The following TMX3 variants were observed in gnomAD, a reference collection of about 807,000 sequenced individuals.
TMX3 encodes protein disulfide-isomerase TMX3.
Under a neutral mutation model 64.4 loss-of-function variants are expected in TMX3, and 40 were observed. The ratio of observed to expected loss-of-function variants is 0.62; its 90% CI spans 0.48 to 0.81. The LOEUF (loss-of-function observed/expected upper bound fraction) is 0.81. Ranked by LOEUF, TMX3 falls within the 30% of genes least tolerant of loss-of-function variation. The pLI is 0.00. For synonymous variants in TMX3, 189 were observed against 175.7 expected, an observed-to-expected ratio of 1.08 and a Z score of -0.60; for missense variants, 497 against 534.5, an observed-to-expected ratio of 0.93 and a Z score of 0.69.
chr18:68,697,623 T>C (rs77296563), intron 7 of TMX3: 7,018 of 376,060 alleles, frequency 0.019, 412 homozygotes, highest in African/African-American at 0.12. Flanking sequence ...TATACACACA[T>C]ACAAAGTCTG....
rs764028979 is a variant in TMX3, at chr18:68,677,105, G to A, written c.1193C>T (p.Thr398Ile). Residue 398 changes from threonine (T) to isoleucine (I), a missense_variant, in exon 16 of 16, where the codon ACA becomes ATA. By Grantham distance (89) the Thr-to-Ile change is moderately conservative. This residue lies in a region of TMX3 where 94 missense variants were observed against 75.8 expected (regional missense o/e 1.24). Coordinates refer to ENST00000299608, the MANE Select transcript of TMX3 (RefSeq NM_019022.5). Reference sequence around the variant, plus strand: ...TATATAACCTCCATCTGTGTCGGCTGTGTAGATTCCATAGCACATGATACT... The same window carrying A: ...TATATAACCTCCATCTGTGTCGGCTATGTAGATTCCATAGCACATGATACT... ...VISIMCYGIY[T>I]ADTDGGYIEE... The A allele has an allele frequency of 3.7e-6, 6 of 1,613,794 alleles. No homozygotes were observed. The highest frequency in any genetic ancestry group is 3.4e-6 in the Non-Finnish European group (4 of 1,179,780).
intron 2 of TMX3, 78 bp from the exon 3 acceptor site, chr18:68,711,481 C>T: frequency 9.9e-7 from 1 of 1,009,184 alleles, no homozygotes; most frequent in South Asian, 1.9e-5. Context: ...AGAGATAATA[C>T]ATTGATAAAT....
chr18:68,707,842 TATTG>T (rs1374408748), intron 4 of TMX3, among the ~76,000 whole-genome samples: 2 of 152,134 alleles, frequency 1.3e-5, no homozygotes, highest in Admixed American at 6.5e-5. Flanking sequence ...ACTTGGTAAA[TATTG>T]ATTGAGTGAA....
rs751818408 is a variant in TMX3 at position 68,680,992 on chromosome 18, C to A, written c.1024G>T (p.Gly342Cys). 6.3e-7 allele frequency: 1 copy of A among 1,588,998 alleles called. No homozygotes were observed. Among genetic ancestry groups the A allele is most frequent in the Admixed American group, 1.8e-5 (1 of 56,098 alleles). The change falls in exon 14 of 16, where the codon GGC (glycine) becomes TGC (cysteine). Residue 342 changes from glycine (G) to cysteine (C), a missense_variant. By Grantham distance (159) the Gly-to-Cys change is radical. Around this residue, in one of 3 missense-constraint regions of TMX3, gnomAD observed 43 missense variants for 75.3 expected, o/e 0.57. Transcript: ENST00000299608. ...MVQFINNILDGTVEAQGGDSI... is the reference protein window; with the variant it reads ...MVQFINNILDCTVEAQGGDSI... ...AGTGAACAACTTACTTCTACTGTGC[C>A]ATCCAAAATGTTATTAATAAACTGG...
chr18:68,687,472 A>G, intron 10 of TMX3, 195 bp downstream of exon 10: 1 of 985,382 alleles, frequency 1.0e-6, no homozygotes, highest in Non-Finnish European at 1.2e-6. Context: ...CCATCTCTTT[A>G]ATCACTGACC....
intron 4 of TMX3, among the ~76,000 whole-genome samples, chr18:68,707,828 T>C (rs986103356): frequency 2.6e-5 from 4 of 152,120 alleles, no homozygotes; most frequent in African/African-American, 4.8e-5. Context: ...GTTTGACAAA[T>C]AGTACTTGGT....
At chr18:68,704,575 G>T (rs1168230391) in intron 4 of TMX3, among the ~76,000 whole-genome samples, 1 of 152,064 alleles carries the variant, frequency 6.6e-6, no homozygotes, top group Non-Finnish European at 1.5e-5. Flanking sequence ...TAGGTAGCGG[G>T]GCTGAGATTG....
intron 4 of TMX3, 26 bp downstream of exon 4, chr18:68,709,995 A>T (rs1429339056): frequency 6.4e-7 from 1 of 1,558,748 alleles, no homozygotes; most frequent in Admixed American, 2.1e-5. Context: ...GAGAACAGTA[A>T]AATAATAAAC....
At chr18:68,714,373 AGAGTGGGCTCTAAAAGGTTGTTAAGT>A (rs1257085471) in intron 1 of TMX3, 4 of 155,326 alleles carry the variant, frequency 2.6e-5, no homozygotes, top group African/African-American at 7.3e-5. Flanking sequence ...TGCCTGACAC[AGAGTGGGCTCTAAAAGGTTGTTAAGT>A]GAGCGGACCC....
intron 2 of TMX3, among the ~76,000 whole-genome samples, chr18:68,712,254 A>C (rs922719890): frequency 6.6e-6 from 1 of 152,212 alleles, no homozygotes; most frequent in Admixed American, 6.5e-5. Flanking sequence ...AGACAGAATG[A>C]GAGGCCCACC....
chr18:68,680,712 C>T (rs1304138662), intron 14 of TMX3, among the ~76,000 whole-genome samples: 2 of 152,208 alleles, frequency 1.3e-5, no homozygotes, highest in African/African-American at 4.8e-5. Context: ...CAGCCCCTCC[C>T]CATCACCATG....
At chr18:68,701,640 C>T in intron 5 of TMX3, 105 bp downstream of exon 5, 1 of 1,559,926 alleles carries the variant, frequency 6.4e-7, no homozygotes, top group Non-Finnish European at 8.7e-7. Context: ...ATGGCCAAAC[C>T]CCAATCTTCA....
rs539836518 is a variant in TMX3 at position 68,705,287 on chromosome 18, C to G, written c.266-3497G>C. Among the ~76,000 whole-genome samples the G allele has an allele frequency of 7.2e-5, 11 of 152,086 alleles. No homozygotes were observed. The South Asian group carries it at 8.3e-4, about 11-fold the overall frequency. On this transcript the variant is annotated intron_variant, in intron 4 of 15. Transcript: ENST00000299608. The stretch of plus-strand genomic sequence containing the variant: ...TGTCAATAGTGCAAGGCTGATAAAC[C>G]CTGAAACACAGTCACTGACTTCCTC...
chr18:68,694,699 C>T (rs566418700), intron 8 of TMX3, among the ~76,000 whole-genome samples: 1 of 152,258 alleles, frequency 6.6e-6, no homozygotes, highest in East Asian at 1.9e-4. Flanking sequence ...TTAATTTCCC[C>T]TCCAAAAGTA....
intron 8 of TMX3, among the ~76,000 whole-genome samples, chr18:68,694,309 G>A (rs866119131): frequency 1.3e-5 from 2 of 152,294 alleles, no homozygotes; most frequent in Middle Eastern, 3.4e-3. Flanking sequence ...AGTTCCTGGC[G>A]TCTCTGAGCT....
chr18:68,694,230 G>C (rs1272920322), intron 8 of TMX3, among the ~76,000 whole-genome samples: 5 of 152,118 alleles, frequency 3.3e-5, no homozygotes, highest in Non-Finnish European at 7.4e-5. Context: ...AACCCTTCTG[G>C]GAACCCAGAC....
intron 4 of TMX3, among the ~76,000 whole-genome samples, chr18:68,702,879 G>C (rs990232902): frequency 3.3e-5 from 5 of 152,184 alleles, no homozygotes; most frequent in African/African-American, 4.8e-5. Flanking sequence ...GTCAACTCTA[G>C]TTTCTCCCTT....
rs370650973 is a variant in TMX3, at chr18:68,701,794, G to C, written c.266-4C>G. 23 of 1,609,344 alleles carry C rather than the reference G, an allele frequency of 1.4e-5. No homozygotes were observed. The highest frequency in any genetic ancestry group is 1.8e-5 in the Non-Finnish European group (21 of 1,178,468). On this transcript the variant is annotated splice_polypyrimidine_tract_variant and splice_region_variant and intron_variant, in intron 4 of 15. Transcript: ENST00000299608. ...ACTCCAAACTCTGAAGCAATGCCTTGATAAGAAAAAGAATAAAGCATTCTA... is the reference window on the plus strand; with the variant it reads ...ACTCCAAACTCTGAAGCAATGCCTTCATAAGAAAAAGAATAAAGCATTCTA...
chr18:68,707,290 G>A (rs966187137), intron 4 of TMX3, among the ~76,000 whole-genome samples: 1 of 151,918 alleles, frequency 6.6e-6, no homozygotes, highest in African/African-American at 2.4e-5. Flanking sequence ...AGTTGAGAGA[G>A]GGGGATGGTG....
Sources: allele counts gnomAD v4.1 joint callset (sites outside exome capture counted in the v4.1 genomes callset), GRCh38; gene constraint gnomAD v4.1.1; regional missense constraint gnomAD v4.1.1; transcripts MANE v1.5; gene names NCBI Gene and HGNC (gene_info 2026-07-23, HGNC 2026-07-21).